STAT3: variants seen among roughly 807,000 people sequenced by gnomAD.
STAT3 encodes the protein DNA-binding protein APRF.
A neutral mutation model predicts 114.3 loss-of-function variants in STAT3; 7 were observed. The ratio of observed to expected loss-of-function variants is 0.06; its 90% CI spans 0.03 to 0.11. The LOEUF is 0.11. STAT3 is among the 10% of genes least tolerant of loss of function. The pLI, the probability that STAT3 is intolerant of heterozygous loss-of-function variation, is 1.00. For synonymous variants in STAT3, 331 were observed against 354.5 expected (o/e 0.93, Z 0.74); for missense variants, 364 against 960.9 (o/e 0.38, Z 8.21).
In STAT3 at chr17:42,339,475, G is replaced by A. The variant is rs2082355051; in HGVS notation, c.373-66C>T. On this transcript the variant is annotated intron_variant, in intron 4 of 23. Coordinates refer to ENST00000264657, the MANE Select transcript of STAT3 (RefSeq NM_139276.3). Reference sequence around the variant, plus strand: ...ATGGGGAGAGGAATACCTCTACCCAGCTTCCATCCCACCCTAACTACCCTT... The same window carrying A: ...ATGGGGAGAGGAATACCTCTACCCAACTTCCATCCCACCCTAACTACCCTT... 2.7e-6 allele frequency: 4 copies of A among 1,498,786 alleles called. No homozygotes were observed. In the South Asian group the frequency reaches 4.5e-5, roughly 17 times the overall value. The allele number at this position is 1,498,786 out of a possible 1,614,324, so 92.8% of individuals were successfully genotyped here.
At chr17:42,366,195 C>G (rs1233192379) in intron 1 of STAT3, among the ~76,000 whole-genome samples, 1 of 152,044 alleles carries the variant, frequency 6.6e-6, no homozygotes, top group African/African-American at 2.4e-5. Flanking sequence ...CATTAAAAAC[C>G]TCTCCCAGCC....
intron 1 of STAT3, chr17:42,387,608 C>CT (rs1426072695): frequency 6.6e-6 from 1 of 152,030 alleles, no homozygotes; most frequent in Admixed American, 6.6e-5. Context: ...CTTTTTTTCT[C>CT]TTTTTTACAA....
rs1397242373 is a variant in STAT3 at position 42,315,357 on chromosome 17, AG to A, written c.*387del. On this transcript the variant is annotated 3_prime_UTR_variant, in exon 24 of 24. Transcript: ENST00000264657. ...GCATTTGCTTACAGAAACAGGCAGA[AG>A]GATGCCGCAGGCACCAGGAGGCACT... 4.7e-6 allele frequency: 2 copies of A among 426,722 alleles called. No individual in the cohort carries two copies. Among genetic ancestry groups the A allele is most frequent in the Non-Finnish European group, 8.7e-6 (2 of 231,126 alleles). 26.4% of individuals were successfully genotyped at this position (426,722 alleles called of 1,614,324 possible).
chr17:42,356,509 GTGTT>G (rs1323233578), intron 1 of STAT3, among the ~76,000 whole-genome samples: 1 of 144,720 alleles, frequency 6.9e-6, no homozygotes, highest in African/African-American at 2.7e-5. Context: ...ATTTCAGAAT[GTGTT>G]TGTGTGTGTG....
At chr17:42,323,192 A>C in intron 19 of STAT3, 49 bp from the exon 20 acceptor site, 1 of 1,614,192 alleles carries the variant, frequency 6.2e-7, no homozygotes, top group Non-Finnish European at 8.5e-7. Context: ...CAGGGCATCC[A>C]TCCCCTGCCA....
intron 14 of STAT3, among the ~76,000 whole-genome samples, chr17:42,329,005 C>A (rs750969051): frequency 5.9e-5 from 9 of 152,162 alleles, no homozygotes; most frequent in Non-Finnish European, 1.2e-4. Flanking sequence ...AAATCTGTTG[C>A]TTTTACACCC....
chr17:42,332,656 A>G (rs1242165832), intron 10 of STAT3, among the ~76,000 whole-genome samples: 1 of 151,548 alleles, frequency 6.6e-6, no homozygotes, highest in Non-Finnish European at 1.5e-5. Context: ...CAGCCTGGCC[A>G]ACATGGAGAA....
At chr17:42,366,717 C>T (rs2083818837) in intron 1 of STAT3, among the ~76,000 whole-genome samples, 1 of 150,404 alleles carries the variant, frequency 6.6e-6, no homozygotes, top group African/African-American at 2.5e-5. Flanking sequence ...TTTCTCACAA[C>T]CTCCCACTGA....
At position 42,314,756 on chromosome 17, in the gene STAT3, G is replaced by A. The variant is rs948559316; in HGVS notation, c.*989C>T. On this transcript the variant is annotated 3_prime_UTR_variant, in exon 24 of 24. Transcript: ENST00000264657. ...AGGTTGCAGCTTCAGATGTCTTAAGGGTTTGACCTGAAGCCCGTTTCAGGG... is the reference window on the plus strand; with the variant it reads ...AGGTTGCAGCTTCAGATGTCTTAAGAGTTTGACCTGAAGCCCGTTTCAGGG... 4.6e-6 allele frequency: 1 copy of A among 216,788 alleles called. No individual in the cohort carries two copies. Among genetic ancestry groups the A allele is most frequent in the African/African-American group, 2.3e-5 (1 of 44,394 alleles). The allele number at this position is 216,788 out of a possible 1,614,324, so 13.4% of individuals were successfully genotyped here.
Position 42,339,517 on chromosome 17 carries a change from C to T in STAT3, c.373-108G>A, listed in dbSNP as rs927337204. 2.5e-5 allele frequency: 27 copies of T among 1,060,126 alleles called. No individual in the cohort carries two copies. In the East Asian group the frequency reaches 4.2e-4, roughly 17 times the overall value. 65.7% of individuals were successfully genotyped at this position (1,060,126 alleles called of 1,614,324 possible). Reference sequence around the variant, plus strand: ...ACTACCCTTCTTGTTTGGCTTGAGACGCTGCTGCCATCACAAGAGGAAGGG... The same window carrying T: ...ACTACCCTTCTTGTTTGGCTTGAGATGCTGCTGCCATCACAAGAGGAAGGG... On this transcript the variant is annotated intron_variant, in intron 4 of 23. Coordinates refer to ENST00000264657, the MANE Select transcript of STAT3 (RefSeq NM_139276.3).
intron 4 of STAT3, among the ~76,000 whole-genome samples, chr17:42,343,019 A>AAC (rs1555569599): frequency 2.7e-5 from 4 of 148,914 alleles, no homozygotes; most frequent in African/African-American, 2.5e-5. Flanking sequence ...AAAAAAAAAA[A>AAC]AAATTAGCTG....
chr17:42,327,547 T>C (rs1249806915), intron 14 of STAT3, among the ~76,000 whole-genome samples: 1 of 152,222 alleles, frequency 6.6e-6, no homozygotes, highest in African/African-American at 2.4e-5. Flanking sequence ...ATTTAGAGCT[T>C]ATAATCAGGC....
chr17:42,371,608 G>A (rs1373479228), intron 1 of STAT3, among the ~76,000 whole-genome samples: 1 of 150,744 alleles, frequency 6.6e-6, no homozygotes, highest in Non-Finnish European at 1.5e-5. Context: ...CTCAGGAGGC[G>A]GAGGTTGCAG....
In STAT3 at chr17:42,323,930, G is replaced by A. The variant is rs1010111187; in HGVS notation, c.1601-305C>T. Among the ~76,000 whole-genome samples the A allele has an allele frequency of 3.3e-5, 5 of 152,314 alleles. No homozygotes were observed. In the East Asian group the frequency reaches 5.8e-4, roughly 18 times the overall value. On this transcript the variant is annotated intron_variant, in intron 17 of 23. Transcript: ENST00000264657. Reference sequence around the variant, plus strand: ...CAGCACTCACTAACAAGCTGACATCGGGTGTCAGACAGGTGTATTTGGTGG... The same window carrying A: ...CAGCACTCACTAACAAGCTGACATCAGGTGTCAGACAGGTGTATTTGGTGG...
intron 1 of STAT3, among the ~76,000 whole-genome samples, chr17:42,385,008 T>C (rs1253620765): frequency 6.6e-6 from 1 of 152,204 alleles, no homozygotes; most frequent in Non-Finnish European, 1.5e-5. Context: ...CGTTCTATGA[T>C]AACAGAAAAG....
chr17:42,325,095 A>G, intron 15 of STAT3, 34 bp from the exon 16 acceptor site: 1 of 1,595,772 alleles, frequency 6.3e-7, no homozygotes, highest in South Asian at 1.1e-5. Flanking sequence ...CTGGGGAGGC[A>G]GAGGGGCTCT....
intron 8 of STAT3, 70 bp from the exon 9 acceptor site, chr17:42,334,119 G>C: frequency 5.8e-6 from 9 of 1,544,824 alleles, no homozygotes; most frequent in African/African-American, 1.4e-5. Context: ...GAAGGGGAAG[G>C]AAATACTGAA....
chr17:42,383,066 T>C (rs550278158), intron 1 of STAT3, among the ~76,000 whole-genome samples: 1 of 152,130 alleles, frequency 6.6e-6, no homozygotes, highest in South Asian at 2.1e-4. Flanking sequence ...TAGCATTCAG[T>C]GTAGCACTGT....
At chr17:42,323,183 A>C (rs1277961210) in intron 19 of STAT3, 40 bp from the exon 20 acceptor site, 4 of 1,614,216 alleles carry the variant, frequency 2.5e-6, no homozygotes, top group Non-Finnish European at 3.4e-6. Context: ...TATTGCTAAC[A>C]GGGCATCCAT....
Sources: gnomAD v4.1 joint callset for allele counts (sites outside exome capture counted in the v4.1 genomes callset) on GRCh38, gnomAD v4.1.1 for gene constraint, MANE v1.5 for transcripts, NCBI Gene and HGNC (gene_info 2026-07-23, HGNC 2026-07-21) for gene names.